NALF1: variants seen among roughly 807,000 people sequenced by gnomAD.
NALF1 encodes the protein NALCN channel auxiliary factor 1.
NALF1 carries 3 observed loss-of-function variants against 48.4 expected under a neutral mutation model. That is an observed-to-expected ratio of 0.06 (90% CI 0.03 to 0.16). The LOEUF (loss-of-function observed/expected upper bound fraction) is 0.16. NALF1 is among the 10% of genes least tolerant of loss of function. NALF1 has a pLI of 1.00. For missense variants in NALF1, 526 were observed against 571.5 expected (o/e 0.92, Z 0.81); for synonymous variants, 262 against 245.7 (o/e 1.07, Z -0.62).
At chr13:107,349,202 A>G (rs1479955750) in intron 1 of NALF1, among the ~76,000 whole-genome samples, 1 of 152,208 alleles carries the variant, frequency 6.6e-6, no homozygotes, top group East Asian at 1.9e-4. Context: ...TCGAAAGAGA[A>G]AAATCGCTTC....
chr13:107,461,466 A>G (rs532260003), intron 1 of NALF1, among the ~76,000 whole-genome samples: 149 of 152,336 alleles, frequency 9.8e-4, no homozygotes, highest in African/African-American at 3.2e-3. Flanking sequence ...AGAAAATGCT[A>G]TGAGAAACAT....
chr13:107,248,967 T>C (rs1326637674), intron 1 of NALF1, among the ~76,000 whole-genome samples: 10 of 151,392 alleles, frequency 6.6e-5, no homozygotes, highest in Non-Finnish European at 1.5e-4. Flanking sequence ...CACACATATA[T>C]ATATGTATAT....
chr13:107,290,400 T>A (rs1427777739), intron 1 of NALF1, among the ~76,000 whole-genome samples: 1 of 152,132 alleles, frequency 6.6e-6, no homozygotes, highest in African/African-American at 2.4e-5. Context: ...ATAATTACTA[T>A]GTGTTGTGAG....
intron 1 of NALF1, among the ~76,000 whole-genome samples, chr13:107,475,336 A>T (rs1464232012): frequency 3.9e-5 from 6 of 152,148 alleles, no homozygotes; most frequent in East Asian, 1.9e-4. Context: ...TGTATTTTAT[A>T]CTATCTTCTA....
intron 1 of NALF1, among the ~76,000 whole-genome samples, chr13:107,249,482 A>C (rs1277184805): frequency 6.6e-6 from 1 of 152,130 alleles, no homozygotes; most frequent in Non-Finnish European, 1.5e-5. Context: ...TTCTAATGAA[A>C]ATATCAACTT....
intron 1 of NALF1, among the ~76,000 whole-genome samples, chr13:107,336,014 T>G (rs1290169551): frequency 1.3e-5 from 2 of 152,196 alleles, no homozygotes; most frequent in African/African-American, 4.8e-5. Context: ...GAATTTCTTG[T>G]ACTTTTCCTC....
chr13:107,604,753 G>A lies in NALF1; in HGVS notation c.915+260929C>T, dbSNP rs537915202. Among the ~76,000 whole-genome samples the A allele has an allele frequency of 7.4e-4, 113 of 152,096 alleles. 3 individuals carry two copies. The highest frequency in any genetic ancestry group is 8.2e-4 in the Non-Finnish European group (56 of 68,014). ...TTTCTGTGCTACTTCCAAGCTACCCGGTGGTGGTGGCCAGTGGGTGACATC... is the reference window on the plus strand; with the variant it reads ...TTTCTGTGCTACTTCCAAGCTACCCAGTGGTGGTGGCCAGTGGGTGACATC... On this transcript the variant is annotated intron_variant, in intron 1 of 2. Coordinates refer to ENST00000375915, the MANE Select transcript of NALF1 (RefSeq NM_001080396.3).
At chr13:107,693,270 C>T (rs993856894) in intron 1 of NALF1, among the ~76,000 whole-genome samples, 10 of 129,602 alleles carry the variant, frequency 7.7e-5, no homozygotes, top group Non-Finnish European at 1.2e-4. Context: ...AGGAATTGAA[C>T]AATGAGAACA....
At chr13:107,504,250 C>CAAAAAA (rs769667553) in intron 1 of NALF1, among the ~76,000 whole-genome samples, 5 of 71,696 alleles carry the variant, frequency 7.0e-5, no homozygotes, top group African/African-American at 4.7e-5. Flanking sequence ...GGCCCTATCT[C>CAAAAAA]AAAAAAAAAA....
At position 107,325,686 on chromosome 13, in the gene NALF1, C is replaced by G. The variant is rs193011928; in HGVS notation, c.916-114931G>C. Reference sequence around the variant, plus strand: ...AACCTTATTATCTCTACTAAAAATGCAAAAATGAGCTCAGCATGATGGCAT... The same window carrying G: ...AACCTTATTATCTCTACTAAAAATGGAAAAATGAGCTCAGCATGATGGCAT... On this transcript the variant is annotated intron_variant, in intron 1 of 2. Transcript: ENST00000375915. Among the ~76,000 whole-genome samples, 93 of 151,096 alleles carry G rather than the reference C, an allele frequency of 6.2e-4. No individual in the cohort carries two copies. In the East Asian group the frequency reaches 0.018, roughly 29 times the overall value.
intron 1 of NALF1, among the ~76,000 whole-genome samples, chr13:107,254,062 A>AAAAAAAAAAAAAATATATATAT: frequency 7.2e-6 from 1 of 138,580 alleles, no homozygotes; most frequent in Non-Finnish European, 1.6e-5. Context: ...CAAGTACTAA[A>AAAAAAAAAAAAAATATATATAT]ATATATATAT....
chr13:107,635,683 C>T (rs1045867478), intron 1 of NALF1, among the ~76,000 whole-genome samples: 1 of 152,136 alleles, frequency 6.6e-6, no homozygotes, highest in Non-Finnish European at 1.5e-5. Context: ...TTGTAATGAA[C>T]CTGTAGCTTT....
rs375426059 is a variant in NALF1, at chr13:107,856,150, T to C, written c.915+9532A>G. On this transcript the variant is annotated intron_variant, in intron 1 of 2. Coordinates refer to ENST00000375915, the MANE Select transcript of NALF1 (RefSeq NM_001080396.3). ...TCAAACTCCTGAACTCAAGCGATCCTCCTGTCTTAGCCTCCCAAAGTGCTG... is the reference window on the plus strand; with the variant it reads ...TCAAACTCCTGAACTCAAGCGATCCCCCTGTCTTAGCCTCCCAAAGTGCTG... Among the ~76,000 whole-genome samples the C allele has an allele frequency of 3.3e-4, 51 of 152,292 alleles. 2 individuals carry two copies. The South Asian group carries it at 9.9e-3, about 30-fold the overall frequency.
At chr13:107,270,911 G>C (rs1453258858) in intron 1 of NALF1, among the ~76,000 whole-genome samples, 1 of 150,716 alleles carries the variant, frequency 6.6e-6, no homozygotes, top group African/African-American at 2.4e-5. Context: ...GAGAATATGC[G>C]GTGTTTGGTT....
At position 107,570,639 on chromosome 13, in the gene NALF1, T is replaced by TAC. The variant is rs1594135351; in HGVS notation, c.915+295041_915+295042dup. 2.0e-5 allele frequency among the ~76,000 whole-genome samples: 3 copies of TAC among 151,234 alleles called. No individual in the cohort carries two copies. The East Asian group carries it at 5.8e-4, about 29-fold the overall frequency. ...ACATGTGCATAATGTGCAGGTTAGT[T>TAC]ACATATGTATACATGTGCCATGCTG... On this transcript the variant is annotated intron_variant, in intron 1 of 2. Coordinates refer to ENST00000375915, the MANE Select transcript of NALF1 (RefSeq NM_001080396.3).
chr13:107,170,902 T>G, intron 2 of NALF1, 116 bp from the exon 3 acceptor site: 1 of 913,154 alleles, frequency 1.1e-6, no homozygotes, highest in Admixed American at 2.5e-5. Context: ...ATTAGACATT[T>G]ATTTAAAGGA....
At chr13:107,775,013 G>A (rs1473278550) in intron 1 of NALF1, among the ~76,000 whole-genome samples, 1 of 152,122 alleles carries the variant, frequency 6.6e-6, no homozygotes, top group Non-Finnish European at 1.5e-5. Flanking sequence ...TATACTCTAA[G>A]CTAAACAACA....
intron 1 of NALF1, among the ~76,000 whole-genome samples, chr13:107,841,745 A>G (rs1441154129): frequency 6.6e-6 from 1 of 152,110 alleles, no homozygotes; most frequent in Non-Finnish European, 1.5e-5. Flanking sequence ...ACACTGCCGT[A>G]GGGAAAGCAT....
intron 1 of NALF1, among the ~76,000 whole-genome samples, chr13:107,291,488 TAC>T (rs774354551): frequency 1.4e-3 from 42 of 29,134 alleles, no homozygotes; most frequent in African/African-American, 3.0e-3. Context: ...GTAAGGTGTA[TAC>T]AAAAAAAAAA....
Sources: gnomAD v4.1 joint callset for allele counts (sites outside exome capture counted in the v4.1 genomes callset) on GRCh38, gnomAD v4.1.1 for gene constraint, MANE v1.5 for transcripts, NCBI Gene and HGNC (gene_info 2026-07-23, HGNC 2026-07-21) for gene names.